The following LCORL variants were observed in gnomAD, a reference collection of about 807,000 sequenced individuals.
LCORL encodes ligand dependent nuclear receptor corepressor like, also known as ligand-dependent nuclear receptor corepressor-like protein.
In LCORL, 41 loss-of-function variants were observed where a neutral mutation model predicts 141.8. The observed-to-expected ratio is 0.29, with a 90% CI of 0.23 to 0.38. The LOEUF (loss-of-function observed/expected upper bound fraction) is 0.38, where lower values mean the gene tolerates loss of function less well. Ranked by LOEUF, LCORL falls within the 10% of genes least tolerant of loss-of-function variation. The pLI, the probability that LCORL is intolerant of heterozygous loss-of-function variation, is 1.00. For missense variants in LCORL, 1,759 were observed against 2,035.0 expected (o/e 0.86, Z 2.61); for synonymous variants, 618 against 694.1 (o/e 0.89, Z 1.72).
At chr4:17,962,905 TAA>T in intron 3 of LCORL, 63 bp downstream of exon 3, 4 of 774,122 alleles carry the variant, frequency 5.2e-6, no homozygotes, top group Non-Finnish European at 7.6e-6. Context: ...CAAATTAAGA[TAA>T]AAAAAAAACT....
intron 4 of LCORL, among the ~76,000 whole-genome samples, chr4:17,948,006 A>T (rs1248853303): frequency 1.3e-5 from 2 of 152,028 alleles, no homozygotes; most frequent in African/African-American, 4.8e-5. Context: ...GGAAATGAGA[A>T]GCAGCAAAAA....
At position 17,961,892 on chromosome 4, in the gene LCORL, A is replaced by ACCAATG; in HGVS notation, c.430+10_430+11insCATTGG. ...TTGCAAATTTTAAATGACAAAGCAT[A>ACCAATG]CCAATATTACCTTTCTTTCGAAAGA... On this transcript the variant is annotated intron_variant, in intron 4 of 7. Coordinates refer to ENST00000635767, the Ensembl canonical transcript of LCORL. 1 of 1,599,238 alleles carries ACCAATG rather than the reference A, an allele frequency of 6.3e-7. No homozygotes were observed. The highest frequency in any genetic ancestry group is 1.1e-5 in the South Asian group (1 of 87,438).
chr4:17,890,436 C>T (rs1728910079), intron 5 of LCORL, among the ~76,000 whole-genome samples: 1 of 152,044 alleles, frequency 6.6e-6, no homozygotes, highest in African/African-American at 2.4e-5. Context: ...AGGATCTTAA[C>T]TGTATTTCTA....
exon 7 of LCORL, chr4:17,877,755 G>T (rs764604167): frequency 1.8e-5 from 22 of 1,230,520 alleles, no homozygotes; most frequent in Non-Finnish European, 2.0e-5. Flanking sequence ...ACTACGAAAG[G>T]CTGATTTTGT....
At chr4:17,904,185 T>A (rs989587449) in intron 5 of LCORL, among the ~76,000 whole-genome samples, 2 of 152,146 alleles carry the variant, frequency 1.3e-5, no homozygotes, top group East Asian at 1.9e-4. Flanking sequence ...AATAAAAGAA[T>A]CCTATATAGG....
intron 2 of LCORL, among the ~76,000 whole-genome samples, chr4:17,967,375 CA>C (rs1248832659): frequency 6.6e-6 from 1 of 151,956 alleles, no homozygotes; most frequent in Non-Finnish European, 1.5e-5. Context: ...AAAAACTGCA[CA>C]ACACATAGAG....
chr4:17,887,922 G>A (rs996266990), intron 5 of LCORL, among the ~76,000 whole-genome samples: 3 of 151,832 alleles, frequency 2.0e-5, no homozygotes, highest in South Asian at 2.1e-4. Flanking sequence ...GCCTCACCCC[G>A]GCAACCCCTC....
At chr4:17,885,218 A>G (rs1728107334) in intron 6 of LCORL, among the ~76,000 whole-genome samples, 1 of 152,010 alleles carries the variant, frequency 6.6e-6, no homozygotes, top group African/African-American at 2.4e-5. Context: ...ATATTTCCAA[A>G]CACAAACATC....
rs866387088 is a variant in LCORL at position 17,996,697 on chromosome 4, A to C, written c.155-23812T>G. ...GACATATTTCATAAATTGAAAAAAA[A>C]AGTTTTATAATTCCAAACAGTAAGC... On this transcript the variant is annotated intron_variant, in intron 1 of 7. Transcript: ENST00000635767. Among the ~76,000 whole-genome samples, 5 of 152,086 alleles carry C rather than the reference A, an allele frequency of 3.3e-5. No homozygotes were observed. In the South Asian group the frequency reaches 8.3e-4, roughly 25 times the overall value.
At chr4:17,917,056 C>T (rs983886002) in intron 4 of LCORL, among the ~76,000 whole-genome samples, 1 of 151,932 alleles carries the variant, frequency 6.6e-6, no homozygotes, top group Admixed American at 6.6e-5. Flanking sequence ...CTCATTGCAA[C>T]CTCTGCCTCT....
At chr4:17,856,324 G>C (rs1013135734) in intron 7 of LCORL, among the ~76,000 whole-genome samples, 1 of 152,138 alleles carries the variant, frequency 6.6e-6, no homozygotes. Context: ...AATTAAGGTC[G>C]TAAGAGTGAA....
chr4:17,929,047 C>G (rs1258548544), intron 4 of LCORL, among the ~76,000 whole-genome samples: 1 of 152,068 alleles, frequency 6.6e-6, no homozygotes, highest in Non-Finnish European at 1.5e-5. Flanking sequence ...ATCACATTTA[C>G]TACAGCATCA....
At chr4:17,916,671 T>G (rs532313965) in intron 4 of LCORL, among the ~76,000 whole-genome samples, 148 of 139,878 alleles carry the variant, frequency 1.1e-3, no homozygotes, top group Non-Finnish European at 2.0e-3. Flanking sequence ...TTTTTTTAGA[T>G]AGTGTCCCCG....
At chr4:17,899,731 C>T (rs935998224) in intron 5 of LCORL, among the ~76,000 whole-genome samples, 2 of 151,878 alleles carry the variant, frequency 1.3e-5, no homozygotes, top group African/African-American at 4.8e-5. Flanking sequence ...GGAGAAATTA[C>T]AAGGGAAAAG....
At chr4:17,994,664 A>G (rs1441095979) in intron 1 of LCORL, among the ~76,000 whole-genome samples, 1 of 152,164 alleles carries the variant, frequency 6.6e-6, no homozygotes, top group Non-Finnish European at 1.5e-5. Flanking sequence ...CAACTAATCA[A>G]TTATTCATTT....
chr4:17,853,494 G>C (rs1356093640), intron 7 of LCORL, among the ~76,000 whole-genome samples: 2 of 152,102 alleles, frequency 1.3e-5, no homozygotes, highest in African/African-American at 4.8e-5. Context: ...AGCTAACAGA[G>C]TATTCTTTAG....
At chr4:17,845,553 A>C (rs1170061992) in exon 8 of LCORL, 13 of 405,750 alleles carry the variant, frequency 3.2e-5, no homozygotes, top group African/African-American at 3.5e-5. Flanking sequence ...CTGATGTAAA[A>C]CATGTAAAAA....
rs150183141 is a variant in LCORL, at chr4:17,888,932, C to T, written c.683-2771G>A. On this transcript the variant is annotated intron_variant, in intron 5 of 7. Transcript: ENST00000635767. The stretch of plus-strand genomic sequence containing the variant: ...TTTATGGCATATAAAACACATTCCC[C>T]TAAGTCTGTTACTCTTAGTCTCAGA... Among the ~76,000 whole-genome samples the T allele has an allele frequency of 4.2e-3, 632 of 152,230 alleles. 4 individuals are homozygous for T. Among genetic ancestry groups the T allele is most frequent in the African/African-American group, 0.015 (610 of 41,536 alleles).
At chr4:17,940,027 C>T (rs1737598606) in intron 4 of LCORL, among the ~76,000 whole-genome samples, 1 of 148,942 alleles carries the variant, frequency 6.7e-6, no homozygotes, top group Non-Finnish European at 1.5e-5. Flanking sequence ...TGCATATATA[C>T]ACCATATGCA....
Sources: allele counts gnomAD v4.1 joint callset (sites outside exome capture counted in the v4.1 genomes callset), GRCh38; gene constraint gnomAD v4.1.1; transcripts MANE v1.5; gene names NCBI Gene and HGNC (gene_info 2026-07-23, HGNC 2026-07-21).